The following TTC34 variants were observed in gnomAD, a reference collection of about 807,000 sequenced individuals.
The protein encoded by TTC34 is tetratricopeptide repeat domain 34.
TTC34 carries 44 observed loss-of-function variants against 40.7 expected under a neutral mutation model. The observed-to-expected ratio is 1.08, with a 90% confidence interval of 0.85 to 1.39. The LOEUF is 1.39. Among genes scored for constraint, TTC34 ranks in the 40% most tolerant of loss-of-function variants. The probability of loss-of-function intolerance (pLI) is 0.00; values close to 1 mark genes in which losing one functional copy is unlikely to be tolerated. For synonymous variants in TTC34, 422 were observed against 398.6 expected, an observed-to-expected ratio of 1.06 and a Z score of -0.70; for missense variants, 884 against 838.0, an observed-to-expected ratio of 1.05 and a Z score of -0.68.
intron 6 of TTC34, among the ~76,000 whole-genome samples, chr1:2,767,520 A>G (rs1641806126): frequency 2.2e-5 from 3 of 136,460 alleles, no homozygotes; most frequent in African/African-American, 5.5e-5. Flanking sequence ...ACAGAACCCC[A>G]CTCTTCCAGG....
At chr1:2,783,810 A>G in intron 5 of TTC34, 35 bp from the exon 6 acceptor site, 2 of 1,424,114 alleles carry the variant, frequency 1.4e-6, no homozygotes, top group Non-Finnish European at 1.9e-6. Context: ...GGATGAGCCT[A>G]TGCTGGGTCC....
intron 6 of TTC34, among the ~76,000 whole-genome samples, chr1:2,777,596 G>A (rs533103651): frequency 3.9e-5 from 6 of 152,290 alleles, no homozygotes; most frequent in African/African-American, 9.6e-5. Context: ...TGGCCAGGAG[G>A]AGGGGCCTGC....
At chr1:2,684,859 C>T (rs1346078550) in intron 6 of TTC34, among the ~76,000 whole-genome samples, 1 of 126,678 alleles carries the variant, frequency 7.9e-6, no homozygotes. Context: ...CATCTGACAG[C>T]CTGGAGCAGC....
At chr1:2,685,733 C>A (rs1258881800) in intron 6 of TTC34, among the ~76,000 whole-genome samples, 1 of 134,362 alleles carries the variant, frequency 7.4e-6, no homozygotes. Context: ...AGGTGCGCAT[C>A]TGATGGTCTG....
chr1:2,681,806 T>C (rs1570800235), intron 6 of TTC34, among the ~76,000 whole-genome samples: 1 of 83,772 alleles, frequency 1.2e-5, no homozygotes, highest in Non-Finnish European at 2.6e-5. Flanking sequence ...CATCTGATGG[T>C]TTGCGGCAAC....
intron 6 of TTC34, among the ~76,000 whole-genome samples, chr1:2,681,668 C>A (rs1487671080): frequency 1.1e-5 from 1 of 89,770 alleles, no homozygotes; most frequent in Admixed American, 1.0e-4. Flanking sequence ...TCCACACCCC[C>A]AGGTGAGCAT....
intron 6 of TTC34, among the ~76,000 whole-genome samples, chr1:2,677,651 C>CCTGCACA (rs1639959162): frequency 4.9e-5 from 1 of 20,290 alleles, no homozygotes; most frequent in Admixed American, 8.0e-4. Context: ...GCACACACAC[C>CCTGCACA]CCCAGGCGAG....
At chr1:2,676,898 G>A (rs1270360753) in intron 6 of TTC34, among the ~76,000 whole-genome samples, 31 of 133,966 alleles carry the variant, frequency 2.3e-4, no homozygotes, top group Non-Finnish European at 4.0e-4. Flanking sequence ...CCACAGGTGA[G>A]CATCTGACAG....
At chr1:2,801,324 C>T (rs542917528) in intron 1 of TTC34, among the ~76,000 whole-genome samples, 1 of 152,140 alleles carries the variant, frequency 6.6e-6, no homozygotes, top group Admixed American at 6.5e-5. Flanking sequence ...CCCCTGCCCA[C>T]CCTCTCACAC....
In TTC34 at chr1:2,693,713, G is replaced by A. The variant is rs1201138601; in HGVS notation, c.2227-48150C>T. On this transcript the variant is annotated intron_variant, in intron 6 of 8. Coordinates refer to ENST00000401095, the Ensembl canonical transcript of TTC34. The stretch of plus-strand genomic sequence containing the variant: ...CGTGGAGGAGCACCCACACCCCCAG[G>A]CAAGCATCTGAACGCAAGGAGCAGC... 2.8e-5 allele frequency among the ~76,000 whole-genome samples: 2 copies of A among 72,268 alleles called. 1 individual carries two copies. The highest frequency in any genetic ancestry group is 6.6e-4 in the East Asian group (2 of 3,028). 47.4% of individuals were successfully genotyped at this position (72,268 alleles called of 152,430 possible).
At chr1:2,684,394 AC>A (rs1220212393) in intron 6 of TTC34, among the ~76,000 whole-genome samples, 2 of 120,650 alleles carry the variant, frequency 1.7e-5, no homozygotes, top group South Asian at 2.8e-4. Context: ...CAGAATCCAC[AC>A]CCCCAGGTGA....
At chr1:2,756,087 G>C (rs1370787080) in intron 6 of TTC34, among the ~76,000 whole-genome samples, 23 of 24,662 alleles carry the variant, frequency 9.3e-4, no homozygotes, top group East Asian at 5.3e-3. Flanking sequence ...ATCTGACAGC[G>C]TGGAACAGCA....
At chr1:2,652,077 C>A (rs373775091) in intron 6 of TTC34, among the ~76,000 whole-genome samples, 2 of 59,706 alleles carry the variant, frequency 3.3e-5, no homozygotes, top group Admixed American at 1.8e-4. Context: ...TGGAGGAGCA[C>A]CCACACCCCC....
intron 6 of TTC34, among the ~76,000 whole-genome samples, chr1:2,778,585 C>T (rs1362683590): frequency 6.6e-6 from 1 of 152,188 alleles, no homozygotes; most frequent in Non-Finnish European, 1.5e-5. Flanking sequence ...TCCTCTCCTG[C>T]CCCTCCTGCA....
At chr1:2,675,602 A>C (rs1433612027) in intron 6 of TTC34, among the ~76,000 whole-genome samples, 2,454 of 85,998 alleles carry the variant, frequency 0.029, 1 homozygote, top group African/African-American at 0.05. Flanking sequence ...GGCACCCACA[A>C]CCCCAGGCGA....
intron 6 of TTC34, among the ~76,000 whole-genome samples, chr1:2,753,505 G>A (rs2100439101): frequency 1.2e-5 from 1 of 86,162 alleles, no homozygotes; most frequent in East Asian, 4.3e-4. Context: ...ACCCCCAGGC[G>A]AGCATCGGAC....
At chr1:2,686,849 GGTGA>G (rs1640381489) in intron 6 of TTC34, among the ~76,000 whole-genome samples, 1 of 149,424 alleles carries the variant, frequency 6.7e-6, no homozygotes, top group Non-Finnish European at 1.5e-5. Context: ...CACACCCCCA[GGTGA>G]GCATCGGACA....
chr1:2,691,629 G>T (rs1236040782), intron 6 of TTC34, among the ~76,000 whole-genome samples: 4 of 122,706 alleles, frequency 3.3e-5, no homozygotes, highest in Non-Finnish European at 7.4e-5. Context: ...TGCACCCCCA[G>T]GTGCGCACGT....
intron 6 of TTC34, among the ~76,000 whole-genome samples, chr1:2,759,708 A>G (rs1425351578): frequency 7.0e-5 from 7 of 99,978 alleles, no homozygotes; most frequent in Non-Finnish European, 9.7e-5. Context: ...AGCCTGGAGC[A>G]GGACCCACAC....
Sources: allele counts gnomAD v4.1 joint callset (sites outside exome capture counted in the v4.1 genomes callset), GRCh38; gene constraint gnomAD v4.1.1; transcripts MANE v1.5; gene names NCBI Gene and HGNC (gene_info 2026-07-23, HGNC 2026-07-21).